PDPK1: variants seen among roughly 807,000 people sequenced by gnomAD.
PDPK1 encodes the protein 3-phosphoinositide dependent protein kinase 1.
A neutral mutation model predicts 39.8 loss-of-function variants in PDPK1; 7 were observed. That is an observed-to-expected ratio of 0.18 (90% confidence interval 0.10 to 0.33). PDPK1 has a LOEUF of 0.33. Among genes scored for constraint, PDPK1 ranks in the 10% least tolerant of loss-of-function variants. The probability of loss-of-function intolerance (pLI) is 1.00; values close to 1 mark genes in which losing one functional copy is unlikely to be tolerated. For missense variants in PDPK1, 182 were observed against 384.7 expected (o/e 0.47, Z 4.41); for synonymous variants, 118 against 159.1 (o/e 0.74, Z 1.95).
chr16:2,552,319 C>G (rs1212477888), intron 1 of PDPK1, among the ~76,000 whole-genome samples: 2 of 150,542 alleles, frequency 1.3e-5, no homozygotes, highest in Non-Finnish European at 1.5e-5. Context: ...CATACCCAGA[C>G]AAGTTAAAGA....
At position 2,593,143 on chromosome 16, in the gene PDPK1, C is replaced by A. The variant is rs759476460; in HGVS notation, c.1344-2650C>A. On this transcript the variant is annotated intron_variant, in intron 11 of 13. Transcript: ENST00000342085. The surrounding 1 kb of genome is among the most constrained non-coding windows in gnomAD (Gnocchi z 4.2). ...GCCGAGCGGGAGCACCACTCCTGCA[C>A]GCCCGTGCCTGTGGCATGCCCAGAT... is the stretch of plus-strand genomic sequence containing the variant. 40 of 454,292 alleles carry A rather than the reference C, an allele frequency of 8.8e-5. No individual in the cohort carries two copies. The highest frequency in any genetic ancestry group is 3.1e-4 in the Admixed American group (13 of 42,488). 28.1% of individuals were successfully genotyped at this position (454,292 alleles called of 1,614,324 possible).
intron 1 of PDPK1, among the ~76,000 whole-genome samples, chr16:2,540,582 A>G (rs536549983): frequency 6.2e-4 from 94 of 150,482 alleles, no homozygotes; most frequent in African/African-American, 1.4e-3. Context: ...ATGTCTTCCC[A>G]GGGATTGGGC....
At chr16:2,538,356 C>T (rs1407675051) in intron 1 of PDPK1, 16 of 388,266 alleles carry the variant, frequency 4.1e-5, no homozygotes, top group Admixed American at 7.1e-5. Context: ...GCGGCCTGGC[C>T]GGGGGCGCTG....
At position 2,597,084 on chromosome 16, in the gene PDPK1, C is replaced by A; in HGVS notation, c.1402-39C>A. Reference sequence around the variant, plus strand: ...TAGGCTCCAGGAGATGCCGTCAGCACTGGCCTCTGAGGCCTGTTGTTTTGT... The same window carrying A: ...TAGGCTCCAGGAGATGCCGTCAGCAATGGCCTCTGAGGCCTGTTGTTTTGT... On this transcript the variant is annotated intron_variant, in intron 12 of 13. Coordinates refer to ENST00000342085, the MANE Select transcript of PDPK1 (RefSeq NM_002613.5). The surrounding 1 kb of genome is among the most constrained non-coding windows in gnomAD (Gnocchi z 6.3). 1 of 1,514,478 alleles carries A rather than the reference C, an allele frequency of 6.6e-7. No individual in the cohort carries two copies. The highest frequency in any genetic ancestry group is 1.3e-5 in the South Asian group (1 of 74,598). The allele number at this position is 1,514,478 out of a possible 1,614,324, so 93.8% of individuals were successfully genotyped here. A position where few individuals can be genotyped will look rare whatever the true frequency, so the allele number is the denominator to read the frequency against.
chr16:2,546,101 C>T (rs993855861), intron 1 of PDPK1, among the ~76,000 whole-genome samples: 5 of 151,600 alleles, frequency 3.3e-5, no homozygotes, highest in Non-Finnish European at 7.4e-5. Flanking sequence ...CTTTTTTTTT[C>T]AAGATGGAGT....
Position 2,599,083 on chromosome 16 carries a change from C to G in PDPK1, c.*1316C>G, listed in dbSNP as rs1267801162. On this transcript the variant is annotated 3_prime_UTR_variant, in exon 14 of 14. Coordinates refer to ENST00000342085, the MANE Select transcript of PDPK1 (RefSeq NM_002613.5). ...CTTTGATGCTTTGGTGGCCTTGCCC[C>G]GCTCTGCAGCACAGACAGGCCAGAT... is the stretch of plus-strand genomic sequence containing the variant. 3.4e-5 allele frequency: 8 copies of G among 233,380 alleles called. No homozygotes were observed. The highest frequency in any genetic ancestry group is 5.9e-5 in the Non-Finnish European group (7 of 118,182). The allele number at this position is 233,380 out of a possible 1,614,324, so 14.5% of individuals were successfully genotyped here. A position where few individuals can be genotyped will look rare whatever the true frequency, so the allele number is the denominator to read the frequency against.
At chr16:2,579,997 TA>T (rs1246598553) in intron 7 of PDPK1, 3 of 148,374 alleles carry the variant, frequency 2.0e-5, no homozygotes, top group Non-Finnish European at 4.5e-5. Flanking sequence ...TCTTAGAAAA[TA>T]AATCTCCAAA....
Position 2,552,117 on chromosome 16 carries a change from C to T in PDPK1, c.25-5586C>T, listed in dbSNP as rs543148395. The stretch of plus-strand genomic sequence containing the variant: ...ACAGGTAGCTAGGACTATAGGCACA[C>T]GCCACTATGCCTGGCTACTTTTTAT... On this transcript the variant is annotated intron_variant, in intron 1 of 13. Transcript: ENST00000342085. 8.6e-5 allele frequency among the ~76,000 whole-genome samples: 13 copies of T among 151,260 alleles called. 1 individual carries two copies. Among genetic ancestry groups the T allele is most frequent in the South Asian group, 4.2e-4 (2 of 4,774 alleles).
In PDPK1 at chr16:2,601,349, A is replaced by G. The variant is rs1020301019; in HGVS notation, c.*3582A>G. On this transcript the variant is annotated 3_prime_UTR_variant, in exon 14 of 14. Transcript: ENST00000342085. ...ATGCTAAGAGGATGTCACTACTGCA[A>G]TCCATCTGTGGCCGATTTTTTCCAA... The G allele has an allele frequency of 6.8e-5, 16 of 234,576 alleles. No individual in the cohort carries two copies. Among genetic ancestry groups the G allele is most frequent in the Non-Finnish European group, 1.1e-4 (13 of 117,976 alleles). The allele number at this position is 234,576 out of a possible 1,614,324, so 14.5% of individuals were successfully genotyped here.
chr16:2,577,438 A>T lies in PDPK1; in HGVS notation c.723A>T (p.Ser241=), dbSNP rs1386797557. ...TCTCCTCTGCAGCCAGGGCCAACTC[A>T]TTCGTGGGAACAGCGCAGTACGTTT... The part of the protein sequence containing the change: ...SPESKQARAN[S]FVGTAQYVSP... The change falls in exon 7 of 14, where the codon TCA becomes TCT. Residue 241 remains serine (S), a synonymous_variant. Coordinates refer to ENST00000342085, the MANE Select transcript of PDPK1 (RefSeq NM_002613.5). 1.5e-6 allele frequency: 2 copies of T among 1,350,368 alleles called. No individual in the cohort carries two copies. The highest frequency in any genetic ancestry group is 4.8e-5 in the East Asian group (2 of 41,476). 83.6% of individuals were successfully genotyped at this position (1,350,368 alleles called of 1,614,324 possible).
chr16:2,590,955 C>CG (rs1231880051), intron 11 of PDPK1, among the ~76,000 whole-genome samples: 12 of 134,010 alleles, frequency 9.0e-5, no homozygotes, highest in African/African-American at 3.3e-4. Context: ...GGCCAAAAGT[C>CG]TTTTTTTTTT....
At position 2,598,033 on chromosome 16, in the gene PDPK1, C is replaced by T. The variant is rs900999417; in HGVS notation, c.*266C>T. The T allele has an allele frequency of 2.2e-5, 11 of 506,242 alleles. No individual in the cohort carries two copies. Among genetic ancestry groups the T allele is most frequent in the South Asian group, 4.7e-5 (2 of 42,190 alleles). 31.4% of individuals were successfully genotyped at this position (506,242 alleles called of 1,614,324 possible). ...GGAGGCCTCCGTGTGCCCTCGTTGC[C>T]GTGGGGACCCAGCTCCATGCACGTC... is the stretch of plus-strand genomic sequence containing the variant. On this transcript the variant is annotated 3_prime_UTR_variant, in exon 14 of 14. Transcript: ENST00000342085.
At chr16:2,596,283 C>T (rs1319733219) in intron 12 of PDPK1, among the ~76,000 whole-genome samples, 1 of 152,200 alleles carries the variant, frequency 6.6e-6, no homozygotes, top group African/African-American at 2.4e-5. Context: ...GCTCCGCCTC[C>T]CAGGTTCACA....
chr16:2,540,714 T>G (rs1264290336), intron 1 of PDPK1, among the ~76,000 whole-genome samples: 1 of 152,206 alleles, frequency 6.6e-6, no homozygotes, highest in Non-Finnish European at 1.5e-5. Context: ...AGCCTCCTGC[T>G]GTCAGAAAGC....
At chr16:2,586,475 C>T (rs993898201) in intron 10 of PDPK1, among the ~76,000 whole-genome samples, 2 of 152,260 alleles carry the variant, frequency 1.3e-5, no homozygotes, top group African/African-American at 4.8e-5. Context: ...AAGAGGAGCC[C>T]GACCAGGCAG....
intron 1 of PDPK1, among the ~76,000 whole-genome samples, chr16:2,552,748 G>A (rs1484263571): frequency 2.2e-5 from 3 of 135,240 alleles, no homozygotes; most frequent in Admixed American, 7.2e-5. Flanking sequence ...GCCGTGGCAC[G>A]TCTTTCACAT....
At position 2,597,897 on chromosome 16, in the gene PDPK1, C is replaced by T. The variant is rs1485516302; in HGVS notation, c.*130C>T. 2 of 598,452 alleles carry T rather than the reference C, an allele frequency of 3.3e-6. No individual in the cohort carries two copies. The highest frequency in any genetic ancestry group is 6.0e-6 in the Non-Finnish European group (2 of 336,040). 37.1% of individuals were successfully genotyped at this position (598,452 alleles called of 1,614,324 possible). On this transcript the variant is annotated 3_prime_UTR_variant, in exon 14 of 14. Transcript: ENST00000342085. The surrounding 1 kb of genome is among the most constrained non-coding windows in gnomAD (Gnocchi z 6.3). ...GAACGCAGAGGCGGAAACCTTGCAG[C>T]ATTTTTATTTAAAAGAAAAGAAGAA...
intron 1 of PDPK1, among the ~76,000 whole-genome samples, chr16:2,544,053 AGG>A (rs935264601): frequency 1.3e-5 from 2 of 151,968 alleles, no homozygotes; most frequent in Non-Finnish European, 2.9e-5. Context: ...TATATTCTTT[AGG>A]GAATCATGAC....
In PDPK1 at chr16:2,593,325, G is replaced by T; in HGVS notation, c.1344-2468G>T. 1 of 347,134 alleles carries T rather than the reference G, an allele frequency of 2.9e-6. No individual in the cohort carries two copies. The highest frequency in any genetic ancestry group is 2.2e-5 in the South Asian group (1 of 45,442). The allele number at this position is 347,134 out of a possible 1,614,324, so 21.5% of individuals were successfully genotyped here. On this transcript the variant is annotated intron_variant, in intron 11 of 13. Coordinates refer to ENST00000342085, the MANE Select transcript of PDPK1 (RefSeq NM_002613.5). The surrounding 1 kb of genome is among the most constrained non-coding windows in gnomAD (Gnocchi z 4.2). ...CTCGTGGCACTGTGAATTTGCTGTG[G>T]GGTGCAGCTGATGGCCCATGGCGGC...
Sources: allele counts gnomAD v4.1 joint callset (sites outside exome capture counted in the v4.1 genomes callset), GRCh38; gene constraint gnomAD v4.1.1; non-coding constraint Gnocchi (gnomAD v3.1); transcripts MANE v1.5; gene names NCBI Gene and HGNC (gene_info 2026-07-23, HGNC 2026-07-21).